Variants in PPP2R5C observed in about 807,000 individuals in gnomAD.
The protein encoded by PPP2R5C is serine/threonine-protein phosphatase 2A 56 kDa regulatory subunit gamma isoform.
PPP2R5C carries 7 observed loss-of-function variants against 68.9 expected under a neutral mutation model. That is an observed-to-expected ratio of 0.10 (90% confidence interval 0.06 to 0.19). The LOEUF (loss-of-function observed/expected upper bound fraction) is 0.19, where lower values mean the gene tolerates loss of function less well. Among genes scored for constraint, PPP2R5C ranks in the 10% least tolerant of loss-of-function variants. The pLI, the probability that PPP2R5C is intolerant of heterozygous loss-of-function variation, is 1.00. For synonymous variants in PPP2R5C, 210 were observed against 222.2 expected, an observed-to-expected ratio of 0.95 and a Z score of 0.49; for missense variants, 348 against 641.3, an observed-to-expected ratio of 0.54 and a Z score of 4.94.
chr14:101,806,705 A>G (rs190993618), upstream of PPP2R5C, among the ~76,000 whole-genome samples: 328 of 152,308 alleles, frequency 2.2e-3, 1 homozygote, highest in African/African-American at 7.1e-3. Flanking sequence ...CATGCCTGCA[A>G]TCTCAGCACT....
intron 2 of PPP2R5C, among the ~76,000 whole-genome samples, chr14:101,864,776 G>A (rs1439238815): frequency 1.3e-5 from 2 of 152,176 alleles, no homozygotes; most frequent in Non-Finnish European, 2.9e-5. Context: ...CCGATTGGGT[G>A]GGCTAGAGTC....
chr14:101,832,398 C>T (rs1371001461), intron 1 of PPP2R5C, among the ~76,000 whole-genome samples: 1 of 152,084 alleles, frequency 6.6e-6, no homozygotes. Context: ...TCCATGGTTT[C>T]TTGGGTTATT....
intron 11 of PPP2R5C, 100 bp from the exon 14 acceptor site, chr14:101,912,301 G>A (rs1210582506): frequency 1.0e-6 from 1 of 972,658 alleles, no homozygotes; most frequent in Non-Finnish European, 1.5e-6. Context: ...GCTGCGGGAG[G>A]AGCCGCTGGC....
chr14:101,803,940 C>T (rs2038974003), intron 3 of PPP2R5C, among the ~76,000 whole-genome samples: 1 of 152,036 alleles, frequency 6.6e-6, no homozygotes, highest in Non-Finnish European at 1.5e-5. Flanking sequence ...AGAGACGACC[C>T]ACAGAATGGG....
chr14:101,811,517 A>AT, intron 1 of PPP2R5C, among the ~76,000 whole-genome samples: 1 of 151,870 alleles, frequency 6.6e-6, no homozygotes, highest in East Asian at 1.9e-4. Flanking sequence ...ATTTTTTAAT[A>AT]TTTTTTGTAG....
chr14:101,847,038 A>AT (rs2041868254), intron 1 of PPP2R5C, among the ~76,000 whole-genome samples: 1 of 152,180 alleles, frequency 6.6e-6, no homozygotes, highest in Admixed American at 6.5e-5. Context: ...TTCTACTCTG[A>AT]TACAGGTGGC....
rs1313060407 is a variant in PPP2R5C at position 101,913,054 on chromosome 14, G to A, written c.1326+581G>A. On this transcript the variant is annotated intron_variant, in intron 12 of 13. Coordinates refer to ENST00000334743, the Ensembl canonical transcript of PPP2R5C. The surrounding 1 kb of genome is among the most constrained non-coding windows in gnomAD (Gnocchi z 4.1). ...GCCGGACGTCCCGGAGCTGCCGGCA[G>A]TTCCAGCTGCCGGGGCTGCCAGGGT... 6.6e-6 allele frequency among the ~76,000 whole-genome samples: 1 copy of A among 152,274 alleles called. No individual in the cohort carries two copies. The highest frequency in any genetic ancestry group is 1.5e-5 in the Non-Finnish European group (1 of 68,048).
Position 101,892,987 on chromosome 14 carries a change from G to T in PPP2R5C, c.690-13G>T, listed in dbSNP as rs8007592. On this transcript the variant is annotated splice_polypyrimidine_tract_variant and intron_variant, in intron 6 of 13. Transcript: ENST00000334743. ...TCGTAAATGTTCAAACCTAATAAAT[G>T]TTCTTTTTACAGTATAATTAATGGA... is the stretch of plus-strand genomic sequence containing the variant. The T allele has an allele frequency of 2.0e-5, 30 of 1,507,686 alleles. No homozygotes were observed. In the African/African-American group the frequency reaches 3.7e-4, roughly 19 times the overall value. The allele number at this position is 1,507,686 out of a possible 1,614,324, so 93.4% of individuals were successfully genotyped here.
upstream of PPP2R5C, chr14:101,809,821 A>G (rs2039243773): frequency 1.4e-6 from 2 of 1,418,642 alleles, no homozygotes; most frequent in East Asian, 5.4e-5. Context: ...GCCTGCTGAC[A>G]TCACGAACCA....
chr14:101,775,659 A>G (rs2037379877), intron 2 of PPP2R5C, among the ~76,000 whole-genome samples: 1 of 151,984 alleles, frequency 6.6e-6, no homozygotes, highest in Non-Finnish European at 1.5e-5. Context: ...GGCAGGTAAC[A>G]CCCTTTGCCT....
intron 2 of PPP2R5C, among the ~76,000 whole-genome samples, chr14:101,764,003 T>TTGTGTGTGTGTG (rs3221573): frequency 1.5e-5 from 2 of 137,254 alleles, no homozygotes; most frequent in African/African-American, 3.1e-5. Context: ...ATTGTTCACA[T>TTGTGTGTGTGTG]TGTGTGTGTG....
In PPP2R5C at chr14:101,879,158, C is replaced by T. The variant is rs942157418; in HGVS notation, c.295-3003C>T. Reference sequence around the variant, plus strand: ...AGGGGAAGCAAGGGTGGCTCCGAGCCCCTCTTGCCCGCCCTCCCCCGGGGC... The same window carrying T: ...AGGGGAAGCAAGGGTGGCTCCGAGCTCCTCTTGCCCGCCCTCCCCCGGGGC... On this transcript the variant is annotated intron_variant, in intron 2 of 13. Transcript: ENST00000334743. This position sits in a 1 kb window ranked among gnomAD's most constrained non-coding sequence, Gnocchi z 4.2. The T allele has an allele frequency of 1.3e-5, 2 of 152,066 alleles. No homozygotes were observed. Among genetic ancestry groups the T allele is most frequent in the African/African-American group, 4.8e-5 (2 of 41,328 alleles). The allele number at this position is 152,066 out of a possible 1,614,324, so 9.4% of individuals were successfully genotyped here. A position where few individuals can be genotyped will look rare whatever the true frequency, so the allele number is the denominator to read the frequency against.
chr14:101,840,855 T>C (rs1056536051), intron 1 of PPP2R5C, among the ~76,000 whole-genome samples: 1 of 152,232 alleles, frequency 6.6e-6, no homozygotes, highest in Non-Finnish European at 1.5e-5. Flanking sequence ...ATTTAGTTGC[T>C]GAGTGCAGTG....
chr14:101,880,617 G>A (rs541431760), intron 2 of PPP2R5C, among the ~76,000 whole-genome samples: 5 of 152,272 alleles, frequency 3.3e-5, no homozygotes, highest in South Asian at 4.1e-4. Flanking sequence ...GCAACGTAGC[G>A]AGTTCTTGTC....
In PPP2R5C at chr14:101,879,368, G is replaced by C. The variant is rs2044003675; in HGVS notation, c.295-2793G>C. On this transcript the variant is annotated intron_variant, in intron 2 of 13. Coordinates refer to ENST00000334743, the Ensembl canonical transcript of PPP2R5C. The surrounding 1 kb of genome is among the most constrained non-coding windows in gnomAD (Gnocchi z 4.2). Reference sequence around the variant, plus strand: ...GACCTACAGCCTCGTCTCTGGGTGAGCTGACCCCTCTCTCCCTTGGCAGCT... The same window carrying C: ...GACCTACAGCCTCGTCTCTGGGTGACCTGACCCCTCTCTCCCTTGGCAGCT... 1 of 152,808 alleles carries C rather than the reference G, an allele frequency of 6.5e-6. No homozygotes were observed. The highest frequency in any genetic ancestry group is 1.5e-5 in the Non-Finnish European group (1 of 68,532). The allele number at this position is 152,808 out of a possible 1,614,324, so 9.5% of individuals were successfully genotyped here.
intron 2 of PPP2R5C, chr14:101,765,283 G>A (rs2036793390): frequency 1.4e-6 from 1 of 702,492 alleles, no homozygotes; most frequent in Admixed American, 2.0e-5. Flanking sequence ...ACACTTGGCA[G>A]ATCACTGTGT....
upstream of PPP2R5C, chr14:101,760,585 G>A: frequency 4.8e-6 from 3 of 620,460 alleles, no homozygotes; most frequent in Non-Finnish European, 6.0e-6. Context: ...AAGCTGCGGA[G>A]GGCGGGACCA....
chr14:101,813,476 T>C (rs1004388404), intron 1 of PPP2R5C, among the ~76,000 whole-genome samples: 1 of 152,246 alleles, frequency 6.6e-6, no homozygotes, highest in Non-Finnish European at 1.5e-5. Context: ...TAGGAAAGCA[T>C]GTTTCCTGCA....
upstream of PPP2R5C, among the ~76,000 whole-genome samples, chr14:101,809,304 G>A (rs1356126359): frequency 6.6e-6 from 1 of 150,782 alleles, no homozygotes; most frequent in Non-Finnish European, 1.5e-5. Flanking sequence ...GGGATCATAA[G>A]TTAATAACTC....
Sources: gnomAD v4.1 joint callset for allele counts (sites outside exome capture counted in the v4.1 genomes callset) on GRCh38, gnomAD v4.1.1 for gene constraint, Gnocchi (gnomAD v3.1) non-coding constraint, MANE v1.5 for transcripts, NCBI Gene and HGNC (gene_info 2026-07-23, HGNC 2026-07-21) for gene names.